ITPKB: variants seen among roughly 807,000 people sequenced by gnomAD.
The protein encoded by ITPKB is IP3 3-kinase B.
A neutral mutation model predicts 69.4 loss-of-function variants in ITPKB; 13 were observed. The observed-to-expected ratio is 0.19, with a 90% CI of 0.12 to 0.30. The LOEUF (loss-of-function observed/expected upper bound fraction) is 0.30, where lower values mean the gene tolerates loss of function less well. ITPKB is among the 10% of genes least tolerant of loss of function. The probability of loss-of-function intolerance (pLI) is 1.00; values close to 1 mark genes in which losing one functional copy is unlikely to be tolerated. For missense variants in ITPKB, 1,240 were observed against 1,250.5 expected, an observed-to-expected ratio of 0.99 and a Z score of 0.13; for synonymous variants, 584 against 513.7, an observed-to-expected ratio of 1.14 and a Z score of -1.85.
intron 2 of ITPKB, among the ~76,000 whole-genome samples, chr1:226,703,415 G>A (rs531433059): frequency 1.3e-5 from 2 of 152,338 alleles, no homozygotes; most frequent in African/African-American, 2.4e-5. Context: ...GGGGCGCGGC[G>A]GGGGATTTCG....
In ITPKB at chr1:226,641,870, C is replaced by A. The variant is rs758514025; in HGVS notation, c.2451+51G>T. The A allele has an allele frequency of 3.2e-6, 5 of 1,544,352 alleles. No homozygotes were observed. The highest frequency in any genetic ancestry group is 3.5e-6 in the Non-Finnish European group (4 of 1,127,284). On this transcript the variant is annotated intron_variant, in intron 5 of 7. Transcript: ENST00000429204. This position sits in a 1 kb window ranked among gnomAD's most constrained non-coding sequence, Gnocchi z 4.6. ...AGGGCGCTGAGAGAAGCCAAGCCCC[C>A]TGAGGTGGGCACGGGTGGGGCCCGA... is the stretch of plus-strand genomic sequence containing the variant.
chr1:226,651,386 C>T (rs144592384), intron 2 of ITPKB, among the ~76,000 whole-genome samples: 6 of 152,276 alleles, frequency 3.9e-5, no homozygotes, highest in East Asian at 1.9e-4. Flanking sequence ...GTAAAAAGAG[C>T]GACACATAGA....
At chr1:226,659,904 G>C (rs1224217985) in intron 2 of ITPKB, among the ~76,000 whole-genome samples, 2 of 152,214 alleles carry the variant, frequency 1.3e-5, no homozygotes, top group Non-Finnish European at 2.9e-5. Flanking sequence ...TGGCTGATAA[G>C]AGGACCCTGC....
At chr1:226,694,757 G>A (rs1321125882) in intron 2 of ITPKB, among the ~76,000 whole-genome samples, 1 of 152,170 alleles carries the variant, frequency 6.6e-6, no homozygotes, top group African/African-American at 2.4e-5. Flanking sequence ...CACCCTTACA[G>A]TTGTGACAAC....
chr1:226,646,882 T>C (rs576445535), intron 4 of ITPKB, among the ~76,000 whole-genome samples: 2 of 152,260 alleles, frequency 1.3e-5, no homozygotes, highest in South Asian at 4.1e-4. Context: ...TCCTTCTCTC[T>C]AGGGGGCCTC....
At chr1:226,707,447 T>C in intron 2 of ITPKB, 2 of 753,834 alleles carry the variant, frequency 2.7e-6, no homozygotes, top group Non-Finnish European at 3.2e-6. Context: ...TCCGCCCGCC[T>C]TGGCCTCCTA....
chr1:226,682,241 CAT>C (rs996171927), intron 2 of ITPKB, among the ~76,000 whole-genome samples: 3 of 152,182 alleles, frequency 2.0e-5, no homozygotes, highest in Non-Finnish European at 4.4e-5. Flanking sequence ...TAAGCTCCCA[CAT>C]GTTTCCAAAG....
chr1:226,658,530 A>G (rs1669339115), intron 2 of ITPKB, among the ~76,000 whole-genome samples: 1 of 152,116 alleles, frequency 6.6e-6, no homozygotes. Context: ...GCTAAAAATA[A>G]AAGTCTGGAT....
chr1:226,636,756 G>GTGTA (rs1273676744), intron 7 of ITPKB, among the ~76,000 whole-genome samples: 1 of 115,538 alleles, frequency 8.7e-6, no homozygotes, highest in African/African-American at 3.1e-5. Context: ...GCAGCTCTGT[G>GTGTA]TGTGTGTGTG....
At chr1:226,672,026 C>A (rs749547838) in intron 2 of ITPKB, among the ~76,000 whole-genome samples, 1 of 152,120 alleles carries the variant, frequency 6.6e-6, no homozygotes, top group Non-Finnish European at 1.5e-5. Context: ...TGTGTGTACA[C>A]CTGGGGAACA....
In ITPKB at chr1:226,632,226, G is replaced by A. The variant is rs1420852564; in HGVS notation, c.*2445C>T. ...CCAGGAACTCGTGGGGCCCCCCGCA[G>A]GACAGGGCAAGAGGACCCTGCGCCC... On this transcript the variant is annotated 3_prime_UTR_variant, in exon 8 of 8. Coordinates refer to ENST00000429204, the MANE Select transcript of ITPKB (RefSeq NM_002221.4). The A allele has an allele frequency of 6.6e-6, 1 of 152,584 alleles. No homozygotes were observed. Among genetic ancestry groups the A allele is most frequent in the Non-Finnish European group, 1.5e-5 (1 of 68,060 alleles). The allele number at this position is 152,584 out of a possible 1,614,324, so 9.5% of individuals were successfully genotyped here. A position where few individuals can be genotyped will look rare whatever the true frequency, so the allele number is the denominator to read the frequency against.
intron 2 of ITPKB, among the ~76,000 whole-genome samples, chr1:226,706,537 G>A (rs960373100): frequency 1.3e-5 from 2 of 152,128 alleles, no homozygotes; most frequent in African/African-American, 4.8e-5. Flanking sequence ...GCCTCTCTCT[G>A]GAAAAAGGGT....
At chr1:226,731,154 G>A (rs916285767) in intron 2 of ITPKB, among the ~76,000 whole-genome samples, 2 of 152,180 alleles carry the variant, frequency 1.3e-5, no homozygotes, top group African/African-American at 2.4e-5. Context: ...TTGGCTCTGT[G>A]TGGGCAAGGC....
intron 2 of ITPKB, among the ~76,000 whole-genome samples, chr1:226,722,061 C>T (rs1657259909): frequency 6.6e-6 from 1 of 152,184 alleles, no homozygotes. Flanking sequence ...AATCCACCCA[C>T]CTCAGCCTCT....
chr1:226,647,430 C>A (rs1669083806), intron 3 of ITPKB, 50 bp from the exon 4 acceptor site: 1 of 1,376,146 alleles, frequency 7.3e-7, no homozygotes, highest in East Asian at 2.5e-5. Flanking sequence ...AGGTAGCTGG[C>A]AGAGGCACCC....
At chr1:226,719,359 G>A (rs761959619) in intron 2 of ITPKB, among the ~76,000 whole-genome samples, 50 of 152,286 alleles carry the variant, frequency 3.3e-4, no homozygotes, top group African/African-American at 1.2e-3. Context: ...CCTGGTGGTC[G>A]CTCCCTGCTG....
intron 2 of ITPKB, among the ~76,000 whole-genome samples, chr1:226,735,226 G>A (rs1370125471): frequency 1.3e-5 from 2 of 152,212 alleles, no homozygotes; most frequent in African/African-American, 2.4e-5. Context: ...TGACATTTAT[G>A]AATATTATTT....
Position 226,672,714 on chromosome 1 carries a change from C to G in ITPKB, c.1933-23943G>C, listed in dbSNP as rs553400032. Among the ~76,000 whole-genome samples the G allele has an allele frequency of 3.9e-5, 6 of 152,286 alleles. No individual in the cohort carries two copies. In the South Asian group the frequency reaches 8.3e-4, roughly 21 times the overall value. On this transcript the variant is annotated intron_variant, in intron 2 of 7. Transcript: ENST00000429204. ...AGGGAAGTGGGAGGAATCTTCATGC[C>G]AGAGATAAAGAGCTGGTCCATGGGC...
chr1:226,650,237 C>T (rs1669159946), intron 2 of ITPKB, among the ~76,000 whole-genome samples: 1 of 152,238 alleles, frequency 6.6e-6, no homozygotes, highest in African/African-American at 2.4e-5. Flanking sequence ...TCAGCCGCTT[C>T]TGTCATCAGG....
Sources: gnomAD v4.1 joint callset for allele counts (sites outside exome capture counted in the v4.1 genomes callset) on GRCh38, gnomAD v4.1.1 for gene constraint, Gnocchi (gnomAD v3.1) non-coding constraint, MANE v1.5 for transcripts, NCBI Gene and HGNC (gene_info 2026-07-23, HGNC 2026-07-21) for gene names.